FASTKD5: variants seen among roughly 807,000 people sequenced by gnomAD.
FASTKD5 encodes the protein FAST kinase domains 5.
FASTKD5 carries 30 observed loss-of-function variants against 44.0 expected under a neutral mutation model. The observed-to-expected ratio is 0.68, with a 90% CI of 0.51 to 0.93. The LOEUF (loss-of-function observed/expected upper bound fraction) is 0.93, where lower values mean the gene tolerates loss of function less well. Among genes scored for constraint, FASTKD5 ranks in the 40% least tolerant of loss-of-function variants. The pLI is 0.00. For missense variants in FASTKD5, 868 were observed against 908.2 expected (o/e 0.96, Z 0.57); for synonymous variants, 335 against 342.2 (o/e 0.98, Z 0.23).
rs777941979 is a variant in FASTKD5, at chr20:3,147,257, C to G, written c.1814G>C (p.Arg605Thr). Residue 605 changes from arginine to threonine, a missense_variant, in exon 2 of 2, where the codon AGA becomes ACA. By Grantham distance (71) the Arg-to-Thr change is moderately conservative. Coordinates refer to ENST00000380266, the MANE Select transcript of FASTKD5 (RefSeq NM_021826.5). ...DVNLKPLPFN[R>T]EATPAENVAK... ...TACATTTTCAGCCGGCGTGGCTTCT[C>G]TATTAAATGGTAATGGCTTCAGGTT... is the stretch of plus-strand genomic sequence containing the variant. 10 of 1,614,208 alleles carry G rather than the reference C, an allele frequency of 6.2e-6. No homozygotes were observed. The highest frequency in any genetic ancestry group is 8.5e-6 in the Non-Finnish European group (10 of 1,180,042).
Position 3,148,814 on chromosome 20 carries a change from G to A in FASTKD5, c.257C>T (p.Ser86Phe). 6.2e-7 allele frequency: 1 copy of A among 1,614,236 alleles called. No individual in the cohort carries two copies. Among genetic ancestry groups the A allele is most frequent in the South Asian group, 1.1e-5 (1 of 91,090 alleles). Reference sequence around the variant, plus strand: ...GCCCAGCTGCAATGTACTGGCCTTAGAGGAAGAAGTCTTGCTGAATTCCAA... The same window carrying A: ...GCCCAGCTGCAATGTACTGGCCTTAAAGGAAGAAGTCTTGCTGAATTCCAA... ...PGLEFSKTSSSKASTLQLGSP... is the reference protein window; with the variant it reads ...PGLEFSKTSSFKASTLQLGSP... The change falls in exon 2 of 2, where the codon TCT (serine) becomes TTT (phenylalanine). Residue 86 changes from serine to phenylalanine, a missense_variant. Coordinates refer to ENST00000380266, the MANE Select transcript of FASTKD5 (RefSeq NM_021826.5).
chr20:3,147,270 A>C lies in FASTKD5; in HGVS notation c.1801T>G (p.Leu601Val). 6.2e-7 allele frequency: 1 copy of C among 1,614,210 alleles called. No homozygotes were observed. Among genetic ancestry groups the C allele is most frequent in the Non-Finnish European group, 8.5e-7 (1 of 1,180,038 alleles). ...GGCGTGGCTTCTCTATTAAATGGTA[A>C]TGGCTTCAGGTTAACATCAAGCTGG... ...EVQLDVNLKP[L>V]PFNREATPAE... The change falls in exon 2 of 2, where the codon TTA becomes GTA. Residue 601 changes from leucine (L) to valine (V), a missense_variant. Coordinates refer to ENST00000380266, the MANE Select transcript of FASTKD5 (RefSeq NM_021826.5).
Position 3,158,566 on chromosome 20 carries a change from C to T in FASTKD5, c.-191+1200G>A, listed in dbSNP as rs184938981. Among the ~76,000 whole-genome samples, 448 of 152,272 alleles carry T rather than the reference C, an allele frequency of 2.9e-3. 1 individual carries two copies. The highest frequency in any genetic ancestry group is 0.01 in the African/African-American group (431 of 41,548). On this transcript the variant is annotated intron_variant, in intron 1 of 1. Coordinates refer to ENST00000380266, the MANE Select transcript of FASTKD5 (RefSeq NM_021826.5). Reference sequence around the variant, plus strand: ...TCGGCTCACTGCACACTCCGCCTCCCGGGGTTCACGCCACGCTCCTGCCTC... The same window carrying T: ...TCGGCTCACTGCACACTCCGCCTCCTGGGGTTCACGCCACGCTCCTGCCTC...
intron 1 of FASTKD5, among the ~76,000 whole-genome samples, chr20:3,155,548 C>A (rs1012649104): frequency 6.6e-6 from 1 of 151,640 alleles, no homozygotes; most frequent in Admixed American, 6.6e-5. Context: ...AAAAGTGGGT[C>A]GGGAGAGGAA....
rs1372976640 is a variant in FASTKD5, at chr20:3,147,638, C to A, written c.1433G>T (p.Gly478Val). ...YPEHLPTCLL[G>V]LAFLEYFPVE... The stretch of plus-strand genomic sequence containing the variant: ...TGGAAAGTACTCCAAAAATGCCAGG[C>A]CCAGCAGGCAGGTGGGCAGGTGTTC... Residue 478 changes from glycine to valine, a missense_variant, in exon 2 of 2, where the codon GGC becomes GTC. By Grantham distance (109) the Gly-to-Val change is moderately radical (BLOSUM62 -3). Coordinates refer to ENST00000380266, the MANE Select transcript of FASTKD5 (RefSeq NM_021826.5). The A allele has an allele frequency of 3.1e-6, 5 of 1,614,076 alleles. No homozygotes were observed. The African/African-American group carries it at 6.7e-5, about 22-fold the overall frequency.
Position 3,147,795 on chromosome 20 carries a change from G to A in FASTKD5, c.1276C>T (p.Arg426Ter), listed in dbSNP as rs772726420. 8.7e-6 allele frequency: 14 copies of A among 1,614,100 alleles called. No homozygotes were observed. The highest frequency in any genetic ancestry group is 1.3e-5 in the African/African-American group (1 of 75,004). Reference sequence around the variant, plus strand: ...AGAATCTTGGCAACATCTTTACTTCGACAGTGTGCCACTCTAGGAGGCAAA... The same window carrying A: ...AGAATCTTGGCAACATCTTTACTTCAACAGTGTGCCACTCTAGGAGGCAAA... ...ASLPPRVAHC[R>*]SKDVAKILWS... The change falls in exon 2 of 2, where the codon CGA (arginine) becomes TGA (stop). Residue 426 changes from arginine (R) to a stop codon, truncating the protein, a stop_gained. Coordinates refer to ENST00000380266, the MANE Select transcript of FASTKD5 (RefSeq NM_021826.5). LOFTEE classifies it high-confidence loss of function.
At chr20:3,157,980 C>G (rs35681402) in intron 1 of FASTKD5, among the ~76,000 whole-genome samples, 11,369 of 152,040 alleles carry the variant, frequency 0.075, 533 homozygotes, top group Middle Eastern at 0.13. Context: ...ACTGCATCCT[C>G]GACCACTGCC....
Position 3,147,267 on chromosome 20 carries a change from G to A in FASTKD5, c.1804C>T (p.Pro602Ser), listed in dbSNP as rs768305527. ...GCCGGCGTGGCTTCTCTATTAAATG[G>A]TAATGGCTTCAGGTTAACATCAAGC... ...VQLDVNLKPLPFNREATPAEN... is the reference protein window; with the variant it reads ...VQLDVNLKPLSFNREATPAEN... The change falls in exon 2 of 2, where the codon CCA becomes TCA. Residue 602 changes from proline (P) to serine (S), a missense_variant. Physicochemically the swap from Pro to Ser is moderately conservative, Grantham distance 74. Transcript: ENST00000380266. 7 of 1,614,184 alleles carry A rather than the reference G, an allele frequency of 4.3e-6. No individual in the cohort carries two copies. The highest frequency in any genetic ancestry group is 5.1e-6 in the Non-Finnish European group (6 of 1,180,036).
Position 3,148,082 on chromosome 20 carries a change from G to A in FASTKD5, c.989C>T (p.Thr330Ile). ...CCGCATGACAAATTCAGAGAGATTAGTACTTGATTTAAAGAACCCCAAACA... is the reference window on the plus strand; with the variant it reads ...CCGCATGACAAATTCAGAGAGATTAATACTTGATTTAAAGAACCCCAAACA... Reference protein sequence around the residue: ...TICLGFFKSSTNLSEFVMRKI... With the variant: ...TICLGFFKSSINLSEFVMRKI... Residue 330 changes from threonine to isoleucine, a missense_variant, in exon 2 of 2, where the codon ACT becomes ATT. Physicochemically the swap from Thr to Ile is moderately conservative, Grantham distance 89. Coordinates refer to ENST00000380266, the MANE Select transcript of FASTKD5 (RefSeq NM_021826.5). 1 of 1,614,130 alleles carries A rather than the reference G, an allele frequency of 6.2e-7. No homozygotes were observed. The highest frequency in any genetic ancestry group is 8.5e-7 in the Non-Finnish European group (1 of 1,180,018).
At chr20:3,150,184 C>T (rs1424642347) in intron 1 of FASTKD5, among the ~76,000 whole-genome samples, 2 of 152,104 alleles carry the variant, frequency 1.3e-5, no homozygotes, top group Non-Finnish European at 2.9e-5. Context: ...ATTTGAGTCA[C>T]TATTAGAGAG....
Position 3,147,957 on chromosome 20 carries a change from T to C in FASTKD5, c.1114A>G (p.Asn372Asp). 1 of 1,614,214 alleles carries C rather than the reference T, an allele frequency of 6.2e-7. No individual in the cohort carries two copies. Among genetic ancestry groups the C allele is most frequent in the Non-Finnish European group, 8.5e-7 (1 of 1,180,038 alleles). ...MFRFTHVDHI[N>D]FMKQIGEIAP... ...ATCTCTCCAATCTGCTTCATGAAAT[T>C]GATGTGATCCACGTGAGTGAAACGG... The change falls in exon 2 of 2, where the codon AAT becomes GAT. Residue 372 changes from asparagine (N) to aspartate (D), a missense_variant. Asn to Asp is a conservative substitution (Grantham distance 23). Coordinates refer to ENST00000380266, the MANE Select transcript of FASTKD5 (RefSeq NM_021826.5).
At chr20:3,158,898 AG>A (rs1021893469) in intron 1 of FASTKD5, among the ~76,000 whole-genome samples, 7 of 152,238 alleles carry the variant, frequency 4.6e-5, no homozygotes, top group Admixed American at 6.5e-5. Context: ...CACAAAGTGT[AG>A]AAAACGTGAA....
chr20:3,151,064 GTGTT>G (rs1337116783), intron 1 of FASTKD5, among the ~76,000 whole-genome samples: 1 of 151,964 alleles, frequency 6.6e-6, no homozygotes, highest in Non-Finnish European at 1.5e-5. Flanking sequence ...GTTTGTGTGT[GTGTT>G]TGTGTGTGTG....
intron 1 of FASTKD5, among the ~76,000 whole-genome samples, chr20:3,155,068 AAAAAG>A (rs1555765478): frequency 5.3e-5 from 7 of 132,010 alleles, no homozygotes; most frequent in Non-Finnish European, 9.7e-5. Flanking sequence ...AAAAAAAAAA[AAAAAG>A]AAAAGAAAAG....
At chr20:3,153,523 A>G (rs2066652985) in intron 1 of FASTKD5, among the ~76,000 whole-genome samples, 1 of 152,262 alleles carries the variant, frequency 6.6e-6, no homozygotes, top group African/African-American at 2.4e-5. Flanking sequence ...GGAGCCTAAT[A>G]TTAAAGACTG....
At chr20:3,155,754 C>T (rs2066677472) in intron 1 of FASTKD5, among the ~76,000 whole-genome samples, 1 of 152,150 alleles carries the variant, frequency 6.6e-6, no homozygotes, top group Non-Finnish European at 1.5e-5. Context: ...CAAGCACTTT[C>T]TACTACCTAA....
intron 1 of FASTKD5, among the ~76,000 whole-genome samples, chr20:3,155,068 A>ATG (rs1379649240): frequency 7.6e-6 from 1 of 132,010 alleles, no homozygotes; most frequent in Non-Finnish European, 1.6e-5. Context: ...AAAAAAAAAA[A>ATG]AAAAGAAAAG....
chr20:3,159,679 A>T (rs1600432065), intron 1 of FASTKD5, 87 bp downstream of exon 1: 1 of 152,374 alleles, frequency 6.6e-6, no homozygotes, highest in East Asian at 1.9e-4. Context: ...GCCGGCCGGG[A>T]GGACAGGAGG....
Position 3,147,538 on chromosome 20 carries a change from A to G in FASTKD5, c.1533T>C (p.Leu511=). ...LAQERTKFDL[L]KELYTLDGTV... is the part of the protein sequence containing the mutation. ...TACCATCGAGGGTATATAGTTCCTT[A>G]AGGAGGTCAAACTTAGTTCTCTCCT... Residue 511 remains leucine (L), a synonymous_variant, in exon 2 of 2, where the codon CTT becomes CTC. Coordinates refer to ENST00000380266, the MANE Select transcript of FASTKD5 (RefSeq NM_021826.5). 6.2e-7 allele frequency: 1 copy of G among 1,614,180 alleles called. No individual in the cohort carries two copies.
Sources: gnomAD v4.1 joint callset for allele counts (sites outside exome capture counted in the v4.1 genomes callset) on GRCh38, gnomAD v4.1.1 for gene constraint, MANE v1.5 for transcripts, NCBI Gene and HGNC (gene_info 2026-07-23, HGNC 2026-07-21) for gene names.